Variants in BRCA2 observed in about 807,000 individuals in gnomAD.
The protein encoded by BRCA2 is breast cancer type 2 susceptibility protein.
BRCA2 carries 203 observed loss-of-function variants against 276.7 expected under a neutral mutation model. The ratio of observed to expected loss-of-function variants is 0.73; its 90% CI spans 0.65 to 0.82. The LOEUF is 0.82. Among genes scored for constraint, BRCA2 ranks in the 40% least tolerant of loss-of-function variants. The pLI is 0.00. For missense variants in BRCA2, 3,920 were observed against 3,915.0 expected (o/e 1.00, Z -0.03); for synonymous variants, 1,289 against 1,338.4 (o/e 0.96, Z 0.81).
chr13:32,376,633 A>G, intron 20 of BRCA2, 37 bp from the exon 21 acceptor site: 1 of 1,607,920 alleles, frequency 6.2e-7, no homozygotes, highest in Non-Finnish European at 8.5e-7. Context: ...TTTTGAATTT[A>G]CAGTTTAGTG....
Position 32,339,372 on chromosome 13 carries a change from A to G in BRCA2, c.5017A>G (p.Thr1673Ala), listed in dbSNP as rs746274489. 6.3e-7 allele frequency: 1 copy of G among 1,591,852 alleles called. No individual in the cohort carries two copies. Residue 1673 changes from threonine to alanine, a missense_variant, in exon 11 of 27, where the codon ACA (threonine) becomes GCA (alanine). Thr to Ala is a moderately conservative substitution (Grantham distance 58, BLOSUM62 0). This residue lies in a region of BRCA2 where 3,263 missense variants were observed against 3,156.9 expected (regional missense o/e 1.03). Coordinates refer to ENST00000380152, the MANE Select transcript of BRCA2 (RefSeq NM_000059.4). ...TGAAAATTCAGCCTTAGCTTTTTAC[A>G]CAAGTTGTAGTAGAAAAACTTCTGT... is the stretch of plus-strand genomic sequence containing the variant. ...VIENSALAFYTSCSRKTSVSQ... is the reference protein window; with the variant it reads ...VIENSALAFYASCSRKTSVSQ...
In BRCA2 at chr13:32,332,541, G is replaced by A. The variant is rs2072403612; in HGVS notation, c.1063G>A (p.Val355Ile). ...CCAAGTGAAAGAAAAATACTCATTT[G>A]TATCTGAAGTGGAACCAAATGATAC... ...KNQVKEKYSF[V>I]SEVEPNDTDP... Residue 355 changes from valine (V) to isoleucine (I), a missense_variant, in exon 10 of 27, where the codon GTA becomes ATA. This residue lies in a region of BRCA2 where 3,263 missense variants were observed against 3,156.9 expected (regional missense o/e 1.03). Coordinates refer to ENST00000380152, the MANE Select transcript of BRCA2 (RefSeq NM_000059.4). 2 of 1,612,676 alleles carry A rather than the reference G, an allele frequency of 1.2e-6. No individual in the cohort carries two copies. The highest frequency in any genetic ancestry group is 1.7e-6 in the Non-Finnish European group (2 of 1,179,658).
intron 3 of BRCA2, among the ~76,000 whole-genome samples, chr13:32,323,376 A>G (rs1431861050): frequency 1.3e-5 from 2 of 152,008 alleles, no homozygotes; most frequent in African/African-American, 4.8e-5. Context: ...GATGGTCTTG[A>G]TCTCCTGACC....
intron 24 of BRCA2, chr13:32,385,393 G>A (rs989574231): frequency 3.2e-5 from 7 of 218,578 alleles, no homozygotes; most frequent in Admixed American, 2.5e-4. Flanking sequence ...AGGAGCTCTG[G>A]CCAATACGTC....
chr13:32,369,219 T>C (rs1423070657), intron 18 of BRCA2, among the ~76,000 whole-genome samples: 1 of 135,226 alleles, frequency 7.4e-6, no homozygotes, highest in Non-Finnish European at 1.6e-5. Context: ...GTCTCCTGCA[T>C]TTTTTTTTTT....
intron 14 of BRCA2, 66 bp downstream of exon 14, chr13:32,355,354 T>C: frequency 6.4e-7 from 1 of 1,558,242 alleles, no homozygotes; most frequent in African/African-American, 1.4e-5. Context: ...TGTTAAATAA[T>C]GTCCTGATGG....
At position 32,339,335 on chromosome 13, in the gene BRCA2, T is replaced by G. The variant is rs1555284018; in HGVS notation, c.4980T>G (p.Pro1660=). ...CAACTTGTTACACAAATCAGTCCCCTTATTCAGTCATTGAAAATTCAGCCT... is the reference window on the plus strand; with the variant it reads ...CAACTTGTTACACAAATCAGTCCCCGTATTCAGTCATTGAAAATTCAGCCT... ...SPATCYTNQS[P]YSVIENSALA... The change falls in exon 11 of 27, where the codon CCT becomes CCG. Residue 1660 remains proline (P), a synonymous_variant. Coordinates refer to ENST00000380152, the MANE Select transcript of BRCA2 (RefSeq NM_000059.4). 1 of 1,593,182 alleles carries G rather than the reference T, an allele frequency of 6.3e-7. No individual in the cohort carries two copies. Among genetic ancestry groups the G allele is most frequent in the Non-Finnish European group, 8.5e-7 (1 of 1,171,358 alleles).
intron 24 of BRCA2, among the ~76,000 whole-genome samples, chr13:32,383,985 A>G (rs748317756): frequency 1.3e-5 from 2 of 152,218 alleles, no homozygotes; most frequent in Non-Finnish European, 2.9e-5. Flanking sequence ...GCCTGTGAGG[A>G]TACTGAAATT....
intron 13 of BRCA2, among the ~76,000 whole-genome samples, chr13:32,352,352 T>C (rs1316070220): frequency 6.6e-6 from 1 of 152,174 alleles, no homozygotes; most frequent in African/African-American, 2.4e-5. Flanking sequence ...CAAACATTTG[T>C]TAAAGTACCT....
chr13:32,355,632 C>T lies in BRCA2; in HGVS notation c.7435+344C>T, dbSNP rs370004220. On this transcript the variant is annotated intron_variant, in intron 14 of 26. Coordinates refer to ENST00000380152, the MANE Select transcript of BRCA2 (RefSeq NM_000059.4). ...ATCCCAGAACTTTGGGAGACTAAGG[C>T]GGGCGGATCACCTGAGGTCAGGAGT... is the stretch of plus-strand genomic sequence containing the variant. 3.9e-5 allele frequency among the ~76,000 whole-genome samples: 6 copies of T among 152,132 alleles called. No homozygotes were observed. In the South Asian group the frequency reaches 8.3e-4, roughly 21 times the overall value.
intron 1 of BRCA2, 52 bp from the exon 2 acceptor site, chr13:32,316,370 A>C: frequency 8.7e-7 from 1 of 1,145,424 alleles, no homozygotes; most frequent in East Asian, 2.4e-5. Flanking sequence ...CCTCAGTCAC[A>C]TAATAAGGAA....
At position 32,399,071 on chromosome 13, in the gene BRCA2, T is replaced by C. The variant is rs546854814; in HGVS notation, c.*301T>C. On this transcript the variant is annotated 3_prime_UTR_variant, in exon 27 of 27. Transcript: ENST00000380152. ...ATCCCAACACTTTGAGAAGCTGAGG[T>C]GGGAGGAGTGCTTGAGGCCAGGAGT... is the stretch of plus-strand genomic sequence containing the variant. The C allele has an allele frequency of 2.9e-6, 1 of 342,552 alleles. No homozygotes were observed. Among genetic ancestry groups the C allele is most frequent in the African/African-American group, 2.1e-5 (1 of 46,562 alleles). The allele number at this position is 342,552 out of a possible 1,614,324, so 21.2% of individuals were successfully genotyped here.
In BRCA2 at chr13:32,350,183, A is replaced by C. The variant is rs557881057; in HGVS notation, c.7007+3287A>C. 9.8e-5 allele frequency among the ~76,000 whole-genome samples: 15 copies of C among 152,292 alleles called. No individual in the cohort carries two copies. The East Asian group carries it at 2.9e-3, about 29-fold the overall frequency. On this transcript the variant is annotated intron_variant, in intron 13 of 26. Transcript: ENST00000380152. ...CTTTTGGTCCCTCACTCTTAACTAT[A>C]AACAGACATCCAAAGATTATGAGAC...
intron 24 of BRCA2, among the ~76,000 whole-genome samples, chr13:32,381,384 T>C (rs756652907): frequency 1.3e-5 from 2 of 152,030 alleles, no homozygotes; most frequent in Non-Finnish European, 2.9e-5. Context: ...AAGGGGGTAA[T>C]GTCAGAGAAG....
In BRCA2 at chr13:32,338,954, A is replaced by C. The variant is rs80358694; in HGVS notation, c.4599A>C (p.Lys1533Asn). ...ATACAGCTAGCGGGAAAAAAGTTAA[A>C]ATTGCAAAGGAATCTTTGGACAAAG... ...GFHTASGKKVKIAKESLDKVK... is the reference protein window; with the variant it reads ...GFHTASGKKVNIAKESLDKVK... Residue 1533 changes from lysine (K) to asparagine (N), a missense_variant, in exon 11 of 27, where the codon AAA becomes AAC. Physicochemically the swap from Lys to Asn is moderately conservative, Grantham distance 94 (BLOSUM62 0). This residue lies in a region of BRCA2 where 3,263 missense variants were observed against 3,156.9 expected (regional missense o/e 1.03). Transcript: ENST00000380152. 31 of 1,613,738 alleles carry C rather than the reference A, an allele frequency of 1.9e-5. No homozygotes were observed. The East Asian group carries it at 6.9e-4, about 36-fold the overall frequency.
At chr13:32,354,729 A>G in intron 13 of BRCA2, 132 bp from the exon 14 acceptor site, 1 of 711,410 alleles carries the variant, frequency 1.4e-6, no homozygotes, top group Non-Finnish European at 2.4e-6. Context: ...TGGAATGGCA[A>G]CCATGGTGAA....
At chr13:32,386,496 C>G (rs913010076) in intron 24 of BRCA2, among the ~76,000 whole-genome samples, 2 of 151,556 alleles carry the variant, frequency 1.3e-5, no homozygotes, top group South Asian at 4.2e-4. Flanking sequence ...AATTATTGAA[C>G]AGTTACTCAA....
intron 20 of BRCA2, among the ~76,000 whole-genome samples, chr13:32,373,848 C>T (rs2072853040): frequency 6.6e-6 from 1 of 152,238 alleles, no homozygotes; most frequent in African/African-American, 2.4e-5. Flanking sequence ...CACAGTTTCC[C>T]TCCCGGTTTC....
intron 8 of BRCA2, among the ~76,000 whole-genome samples, chr13:32,330,360 G>T (rs144864139): frequency 6.6e-6 from 1 of 152,114 alleles, no homozygotes; most frequent in Non-Finnish European, 1.5e-5. Flanking sequence ...CATAGATGTC[G>T]CAGTACAATT....
Sources: gnomAD v4.1 joint callset for allele counts (sites outside exome capture counted in the v4.1 genomes callset) on GRCh38, gnomAD v4.1.1 for gene constraint, gnomAD v4.1.1 regional missense constraint, MANE v1.5 for transcripts, NCBI Gene and HGNC (gene_info 2026-07-23, HGNC 2026-07-21) for gene names.